MBTPS2: variants seen among roughly 807,000 people sequenced by gnomAD.
The protein encoded by MBTPS2 is membrane-bound transcription factor site-2 protease.
MBTPS2 carries 2 observed loss-of-function variants against 35.4 expected under a neutral mutation model. That is an observed-to-expected ratio of 0.06 (90% confidence interval 0.02 to 0.18). MBTPS2 has a LOEUF of 0.18. Among genes scored for constraint, MBTPS2 ranks in the 10% least tolerant of loss-of-function variants. The pLI is 1.00. For synonymous variants in MBTPS2, 125 were observed against 140.4 expected (o/e 0.89, Z 0.77); for missense variants, 244 against 386.5 (o/e 0.63, Z 3.09).
At chrX:21,857,651 G>A (rs771303094) in intron 5 of MBTPS2, 19 of 1,128,629 alleles carry the variant, frequency 1.7e-5, no homozygotes, top group South Asian at 8.6e-5. Context: ...CCAGGACTGC[G>A]GTAGGGAATA....
At position 21,843,231 on chromosome X, in the gene MBTPS2, C is replaced by G. The variant is rs2092904639; in HGVS notation, c.137C>G (p.Ser46Cys). The G allele has an allele frequency of 8.3e-7, 1 of 1,209,633 alleles. No homozygotes were observed. Among genetic ancestry groups the G allele is most frequent in the Non-Finnish European group, 1.1e-6 (1 of 893,474 alleles). The change falls in exon 2 of 11, where the codon TCC becomes TGC. Residue 46 changes from serine to cysteine, a missense_variant. Physicochemically the swap from Ser to Cys is moderately radical, Grantham distance 112 (BLOSUM62 -1). Transcript: ENST00000379484. ...CTGGAAAACAACGGACTGAGCATCTCCCCTTTCCACATAAGATGGCAAACT... is the reference window on the plus strand; with the variant it reads ...CTGGAAAACAACGGACTGAGCATCTGCCCTTTCCACATAAGATGGCAAACT... ...DWLENNGLSI[S>C]PFHIRWQTAV...
At chrX:21,878,476 T>C (rs2147453532) in intron 8 of MBTPS2, 21 bp from the exon 9 acceptor site, 2 of 1,122,101 alleles carry the variant, frequency 1.8e-6, no homozygotes, top group Non-Finnish European at 2.5e-6. Context: ...TAATATTGAC[T>C]GATTAATATT....
At chrX:21,876,939 T>C (rs1051978442) in intron 7 of MBTPS2, among the ~76,000 whole-genome samples, 20 of 111,963 alleles carry the variant, frequency 1.8e-4, no homozygotes, top group African/African-American at 6.5e-4. Context: ...GAGTCTATTT[T>C]CATCAGCACA....
chrX:21,847,426 CT>C (rs1338611038), intron 3 of MBTPS2, among the ~76,000 whole-genome samples: 45 of 111,945 alleles, frequency 4.0e-4, no homozygotes, highest in Non-Finnish European at 7.0e-4. Context: ...TCCTGACAGC[CT>C]TGTTCAGTAT....
rs141576171 is a variant in MBTPS2, at chrX:21,878,130, G to A, written c.1059G>A (p.Lys353=). 8.2e-5 allele frequency: 98 copies of A among 1,189,525 alleles called. No individual in the cohort carries two copies. Among genetic ancestry groups the A allele is most frequent in the Non-Finnish European group, 1.4e-5 (12 of 876,624 alleles). ...VCFSYRNNFN[K]RLHTCLPARK... is the part of the protein sequence containing the mutation. ...TTTCCTACAGAAATAATTTTAATAA[G>A]CGTTTGGTAAGTTGTCCCTGAAGCA... Residue 353 remains lysine (K), a synonymous_variant, in exon 8 of 11, where the codon AAG becomes AAA. Coordinates refer to ENST00000379484, the MANE Select transcript of MBTPS2 (RefSeq NM_015884.4).
intron 5 of MBTPS2, among the ~76,000 whole-genome samples, chrX:21,853,917 G>C (rs2092917483): frequency 9.0e-6 from 1 of 111,364 alleles, no homozygotes; most frequent in African/African-American, 3.3e-5. Context: ...AGCACTGTCA[G>C]AGTTCAATCA....
At chrX:21,845,484 T>C (rs2092907715) in intron 3 of MBTPS2, 100 bp downstream of exon 3, 6 of 823,780 alleles carry the variant, frequency 7.3e-6, no homozygotes, top group Admixed American at 3.9e-5. Flanking sequence ...AATATGAAAA[T>C]AAATTAAAAG....
chrX:21,867,867 C>A lies in MBTPS2; in HGVS notation c.671-600C>A, dbSNP rs1490876462. Among the ~76,000 whole-genome samples the A allele has an allele frequency of 4.1e-4, 45 of 108,601 alleles. 1 individual carries two copies. Among genetic ancestry groups the A allele is most frequent in the Non-Finnish European group, 1.3e-4 (7 of 51,984 alleles). The allele number at this position is 108,601 out of a possible 115,157, so 94.3% of individuals were successfully genotyped here. On this transcript the variant is annotated intron_variant, in intron 5 of 10. Coordinates refer to ENST00000379484, the MANE Select transcript of MBTPS2 (RefSeq NM_015884.4). ...TGTTGGCCAAGCTGGTGTTGATCTC[C>A]TGACCTCGTGATCCGCCCGCCCTGG...
chrX:21,869,403 ATTCAC>A, intron 6 of MBTPS2, 90 bp from the exon 7 acceptor site: 1 of 645,896 alleles, frequency 1.5e-6, no homozygotes, highest in South Asian at 2.2e-5. Flanking sequence ...CATTCAAACT[ATTCAC>A]TTAATTAACT....
chrX:21,854,670 A>G (rs1057308753), intron 5 of MBTPS2, among the ~76,000 whole-genome samples: 2 of 112,356 alleles, frequency 1.8e-5, no homozygotes, highest in Non-Finnish European at 3.8e-5. Flanking sequence ...AAAAATGGGA[A>G]AAGTATAAGA....
At chrX:21,867,093 A>G (rs2092941091) in intron 5 of MBTPS2, among the ~76,000 whole-genome samples, 1 of 111,678 alleles carries the variant, frequency 9.0e-6, no homozygotes, top group Non-Finnish European at 1.9e-5. Flanking sequence ...TGATTCTCAA[A>G]TTTATCAGAA....
chrX:21,865,944 C>G (rs2092939140), intron 5 of MBTPS2, among the ~76,000 whole-genome samples: 1 of 111,514 alleles, frequency 9.0e-6, no homozygotes, highest in Non-Finnish European at 1.9e-5. Context: ...TCTCCCTTGA[C>G]CCATGATTTT....
In MBTPS2 at chrX:21,884,871, TA is replaced by T. The variant is rs1365531127; in HGVS notation, c.*2223del. On this transcript the variant is annotated 3_prime_UTR_variant, in exon 11 of 11. Transcript: ENST00000379484. The stretch of plus-strand genomic sequence containing the variant: ...TATTTACTGTAAATATATGTTCACA[TA>T]AAAAAATAACTTGGAGGGTCTTTGT... 14 of 735,589 alleles carry T rather than the reference TA, an allele frequency of 1.9e-5. No individual in the cohort carries two copies. Among genetic ancestry groups the T allele is most frequent in the Non-Finnish European group, 2.3e-5 (14 of 622,185 alleles). The allele number at this position is 735,589 out of a possible 1,213,427, so 60.6% of individuals were successfully genotyped here.
chrX:21,849,869 A>C (rs1238940259), intron 3 of MBTPS2, among the ~76,000 whole-genome samples: 1 of 106,412 alleles, frequency 9.4e-6, no homozygotes, highest in Non-Finnish European at 1.9e-5. Flanking sequence ...AAAAAAAAAA[A>C]AAAAAAATTA....
Position 21,884,076 on chromosome X carries a change from C to T in MBTPS2, c.*1421C>T, listed in dbSNP as rs1271485652. The T allele has an allele frequency of 1.3e-6, 1 of 749,743 alleles. No homozygotes were observed. The highest frequency in any genetic ancestry group is 1.5e-4 in the East Asian group (1 of 6,606). 61.8% of individuals were successfully genotyped at this position (749,743 alleles called of 1,213,427 possible). A position where few individuals can be genotyped will look rare whatever the true frequency, so the allele number is the denominator to read the frequency against. Reference sequence around the variant, plus strand: ...ACCTTTTTCAGATTATTGAGTTGCTCTGTAAGCACTAAAACTTTTTAATCA... The same window carrying T: ...ACCTTTTTCAGATTATTGAGTTGCTTTGTAAGCACTAAAACTTTTTAATCA... On this transcript the variant is annotated 3_prime_UTR_variant, in exon 11 of 11. Coordinates refer to ENST00000379484, the MANE Select transcript of MBTPS2 (RefSeq NM_015884.4).
At chrX:21,857,719 C>A in intron 5 of MBTPS2, 2 of 857,123 alleles carry the variant, frequency 2.3e-6, no homozygotes, top group Non-Finnish European at 1.6e-6. Flanking sequence ...AAAATGAATC[C>A]TGCACATTTA....
intron 10 of MBTPS2, among the ~76,000 whole-genome samples, chrX:21,881,242 A>C (rs1019320570): frequency 1.8e-5 from 2 of 112,246 alleles, no homozygotes; most frequent in African/African-American, 6.5e-5. Flanking sequence ...AGTCTAAAAC[A>C]TTTTAGTAAG....
intron 4 of MBTPS2, among the ~76,000 whole-genome samples, chrX:21,852,785 TA>T (rs2092916217): frequency 9.1e-6 from 1 of 110,202 alleles, no homozygotes. Flanking sequence ...AATGAACTGA[TA>T]AAAAATGGTT....
intron 5 of MBTPS2, among the ~76,000 whole-genome samples, 176 bp downstream of exon 5, chrX:21,853,679 T>G (rs959898730): frequency 9.0e-6 from 1 of 111,700 alleles, no homozygotes; most frequent in African/African-American, 3.3e-5. Context: ...TTCCAGTTGC[T>G]TCCTTAAAAC....
Sources: gnomAD v4.1 joint callset for allele counts (sites outside exome capture counted in the v4.1 genomes callset) on GRCh38, gnomAD v4.1.1 for gene constraint, MANE v1.5 for transcripts, NCBI Gene and HGNC (gene_info 2026-07-23, HGNC 2026-07-21) for gene names.